Variants in YEATS2 observed in about 807,000 individuals in gnomAD.
YEATS2 encodes the protein YEATS domain containing 2.
In YEATS2, 77 loss-of-function variants were observed where a neutral mutation model predicts 163.2. The ratio of observed to expected loss-of-function variants is 0.47; its 90% CI spans 0.39 to 0.57. YEATS2 has a LOEUF of 0.57. Among genes scored for constraint, YEATS2 ranks in the 20% least tolerant of loss-of-function variants. The pLI is 0.00. For synonymous variants in YEATS2, 631 were observed against 645.1 expected (o/e 0.98, Z 0.33); for missense variants, 1,549 against 1,729.8 (o/e 0.90, Z 1.85).
chr3:183,730,052 G>GTTTGTTTGTTTTTTTT (rs1560244258), intron 7 of YEATS2, among the ~76,000 whole-genome samples: 1 of 41,698 alleles, frequency 2.4e-5, no homozygotes, highest in African/African-American at 8.2e-5. Context: ...TTTTTTGTTT[G>GTTTGTTTGTTTTTTTT]TTTTTTTTTT....
intron 7 of YEATS2, among the ~76,000 whole-genome samples, chr3:183,732,704 C>T (rs1297447434): frequency 2.6e-5 from 4 of 151,622 alleles, no homozygotes; most frequent in South Asian, 2.1e-4. Flanking sequence ...GGACTACAGG[C>T]GCCCGCCACC....
rs563722371 is a variant in YEATS2, at chr3:183,759,620, C to G, written c.1656+655C>G. 2.0e-5 allele frequency among the ~76,000 whole-genome samples: 3 copies of G among 152,278 alleles called. No homozygotes were observed. In the South Asian group the frequency reaches 6.2e-4, roughly 32 times the overall value. ...ATCTGACAGCACGTTCCTATCTTTTCTATGTTTGCATCACCAAGAAGTAAA... is the reference window on the plus strand; with the variant it reads ...ATCTGACAGCACGTTCCTATCTTTTGTATGTTTGCATCACCAAGAAGTAAA... On this transcript the variant is annotated intron_variant, in intron 13 of 30. Transcript: ENST00000305135.
intron 17 of YEATS2, among the ~76,000 whole-genome samples, chr3:183,775,004 G>A (rs982248593): frequency 1.3e-5 from 2 of 152,212 alleles, no homozygotes; most frequent in Non-Finnish European, 2.9e-5. Context: ...TGAAGGTGGA[G>A]AAGGAAATTG....
intron 2 of YEATS2, among the ~76,000 whole-genome samples, chr3:183,716,211 G>A (rs527357248): frequency 2.0e-5 from 3 of 152,054 alleles, no homozygotes; most frequent in African/African-American, 4.8e-5. Flanking sequence ...CACCCGCCTC[G>A]GCGTCCCAAA....
chr3:183,803,388 G>A, intron 26 of YEATS2, 53 bp downstream of exon 26: 1 of 1,490,904 alleles, frequency 6.7e-7, no homozygotes, highest in Non-Finnish European at 9.3e-7. Context: ...CTTGTCTTAT[G>A]GAACAGGGAT....
chr3:183,776,267 G>A (rs1722991262), intron 18 of YEATS2, 144 bp downstream of exon 18: 1 of 916,568 alleles, frequency 1.1e-6, no homozygotes, highest in Non-Finnish European at 1.5e-6. Context: ...ATCTTGGCCG[G>A]GTGTGGTAAC....
intron 1 of YEATS2, among the ~76,000 whole-genome samples, chr3:183,712,870 C>T (rs976300710): frequency 1.3e-5 from 2 of 151,848 alleles, no homozygotes; most frequent in African/African-American, 4.8e-5. Context: ...AAGTGATTCT[C>T]CTGCCTTAGC....
intron 27 of YEATS2, chr3:183,806,295 TG>T (rs768475612): frequency 5.3e-5 from 24 of 456,056 alleles, no homozygotes; most frequent in Non-Finnish European, 7.5e-5. Context: ...GGCCAGGAGC[TG>T]GGTGCCCTTA....
chr3:183,734,970 A>G (rs1718186589), intron 7 of YEATS2, among the ~76,000 whole-genome samples: 1 of 152,152 alleles, frequency 6.6e-6, no homozygotes, highest in Non-Finnish European at 1.5e-5. Flanking sequence ...CATTTCCATA[A>G]ATAGTGTTGT....
At chr3:183,771,480 C>G (rs1008334865) in intron 15 of YEATS2, among the ~76,000 whole-genome samples, 52 of 100,176 alleles carry the variant, frequency 5.2e-4, no homozygotes, top group African/African-American at 2.0e-3. Flanking sequence ...CTAGATACTT[C>G]TAATTTTCAT....
At chr3:183,772,265 G>C (rs199649303) in intron 15 of YEATS2, 40 bp from the exon 16 acceptor site, 13 of 1,608,212 alleles carry the variant, frequency 8.1e-6, no homozygotes, top group Non-Finnish European at 8.5e-6. Flanking sequence ...TGTTCTAAGA[G>C]CTCTCGAAGC....
At chr3:183,755,343 C>G (rs1424366841) in intron 11 of YEATS2, among the ~76,000 whole-genome samples, 1 of 152,094 alleles carries the variant, frequency 6.6e-6, no homozygotes, top group Non-Finnish European at 1.5e-5. Context: ...TCTTGAACTC[C>G]TGACCTCAGG....
At chr3:183,771,565 T>C (rs1273676708) in intron 15 of YEATS2, among the ~76,000 whole-genome samples, 13 of 142,506 alleles carry the variant, frequency 9.1e-5, no homozygotes, top group Non-Finnish European at 1.5e-4. Flanking sequence ...TTTTTTTTTT[T>C]CTTTTCTTAG....
In YEATS2 at chr3:183,736,847, T is replaced by G. The variant is rs1560252793; in HGVS notation, c.924+18T>G. On this transcript the variant is annotated intron_variant, in intron 8 of 30. Coordinates refer to ENST00000305135, the MANE Select transcript of YEATS2 (RefSeq NM_018023.5). Reference sequence around the variant, plus strand: ...ATCTGAAGGTATTGTAACAAAACATTGCTCCCTAGTTTTGAAGTCTCTTTT... The same window carrying G: ...ATCTGAAGGTATTGTAACAAAACATGGCTCCCTAGTTTTGAAGTCTCTTTT... 1 of 1,595,824 alleles carries G rather than the reference T, an allele frequency of 6.3e-7. No homozygotes were observed. The highest frequency in any genetic ancestry group is 1.7e-5 in the Admixed American group (1 of 58,614).
At chr3:183,764,880 G>T (rs2109369859) in intron 15 of YEATS2, among the ~76,000 whole-genome samples, 1 of 152,318 alleles carries the variant, frequency 6.6e-6, no homozygotes, top group South Asian at 2.1e-4. Context: ...GACTTTCTCA[G>T]ACTTACCTGG....
intron 1 of YEATS2, among the ~76,000 whole-genome samples, chr3:183,714,492 G>A (rs112759747): frequency 2.0e-5 from 3 of 151,740 alleles, no homozygotes; most frequent in East Asian, 1.9e-4. Flanking sequence ...CACCGTGCCC[G>A]GCCGGGATTT....
At chr3:183,796,858 T>C (rs1342806585) in intron 21 of YEATS2, among the ~76,000 whole-genome samples, 2 of 152,188 alleles carry the variant, frequency 1.3e-5, no homozygotes, top group Admixed American at 6.5e-5. Flanking sequence ...ATTGATTTTC[T>C]CTGCGGTAGG....
At chr3:183,808,781 G>A (rs5020418) in intron 29 of YEATS2, 3 of 201,238 alleles carry the variant, frequency 1.5e-5, no homozygotes. Flanking sequence ...GCTTGAACCC[G>A]GGAGGCGGAG....
chr3:183,798,878 T>C lies in YEATS2; in HGVS notation c.3227-13T>C, dbSNP rs1210660691. On this transcript the variant is annotated splice_polypyrimidine_tract_variant and intron_variant, in intron 22 of 30. Coordinates refer to ENST00000305135, the MANE Select transcript of YEATS2 (RefSeq NM_018023.5). The stretch of plus-strand genomic sequence containing the variant: ...TGTATTTGTTATATCCCTCCCTCCT[T>C]TTTTCCCTTTAGTGGTTCAGTCATT... 6.2e-7 allele frequency: 1 copy of C among 1,603,924 alleles called. No individual in the cohort carries two copies. The highest frequency in any genetic ancestry group is 1.1e-5 in the South Asian group (1 of 90,874).
Sources: gnomAD v4.1 joint callset for allele counts (sites outside exome capture counted in the v4.1 genomes callset) on GRCh38, gnomAD v4.1.1 for gene constraint, MANE v1.5 for transcripts, NCBI Gene and HGNC (gene_info 2026-07-23, HGNC 2026-07-21) for gene names.